The following TEX11 variants were observed in gnomAD, a reference collection of about 807,000 sequenced individuals.
TEX11 encodes the protein testis expressed 11.
TEX11 carries 7 observed loss-of-function variants against 84.4 expected under a neutral mutation model. The ratio of observed to expected loss-of-function variants is 0.08; its 90% CI spans 0.05 to 0.16. The LOEUF (loss-of-function observed/expected upper bound fraction) is 0.16. Among genes scored for constraint, TEX11 ranks in the 10% least tolerant of loss-of-function variants. The probability of loss-of-function intolerance (pLI) is 1.00; values close to 1 mark genes in which losing one functional copy is unlikely to be tolerated. For missense variants in TEX11, 551 were observed against 660.5 expected, an observed-to-expected ratio of 0.83 and a Z score of 1.82; for synonymous variants, 264 against 222.8, an observed-to-expected ratio of 1.18 and a Z score of -1.64.
chrX:70,540,543 G>A (rs2088030293), intron 28 of TEX11, among the ~76,000 whole-genome samples: 1 of 111,540 alleles, frequency 9.0e-6, no homozygotes, highest in African/African-American at 3.3e-5. Flanking sequence ...GTCTGAAAGA[G>A]ATAGACACTT....
At chrX:70,838,596 G>A (rs1164960871) in intron 7 of TEX11, among the ~76,000 whole-genome samples, 1 of 112,172 alleles carries the variant, frequency 8.9e-6, no homozygotes, top group Non-Finnish European at 1.9e-5. Context: ...TTCCAACTGA[G>A]GTACCGGGTT....
At chrX:70,861,312 C>T (rs1296498022) in intron 4 of TEX11, among the ~76,000 whole-genome samples, 6 of 109,619 alleles carry the variant, frequency 5.5e-5, no homozygotes, top group Admixed American at 9.7e-5. Flanking sequence ...CCGCCCGCCT[C>T]GGCCTCCCAA....
chrX:70,811,712 G>A (rs1391719298), intron 8 of TEX11, among the ~76,000 whole-genome samples: 18 of 109,805 alleles, frequency 1.6e-4, no homozygotes, highest in East Asian at 2.9e-4. Flanking sequence ...TTTAATGATC[G>A]CCATTCTAAC....
intron 13 of TEX11, among the ~76,000 whole-genome samples, chrX:70,690,171 T>A (rs2090222461): frequency 8.9e-6 from 1 of 111,754 alleles, no homozygotes; most frequent in Non-Finnish European, 1.9e-5. Context: ...TGTAATGTGA[T>A]ATCACAGGTA....
At chrX:70,705,620 A>C (rs2090366358) in intron 13 of TEX11, among the ~76,000 whole-genome samples, 1 of 111,981 alleles carries the variant, frequency 8.9e-6, no homozygotes, top group Non-Finnish European at 1.9e-5. Flanking sequence ...CAAGAAAAAA[A>C]CAAACAACCC....
chrX:70,714,321 A>C (rs1001811826), intron 13 of TEX11, among the ~76,000 whole-genome samples: 1 of 111,141 alleles, frequency 9.0e-6, no homozygotes, highest in Non-Finnish European at 1.9e-5. Flanking sequence ...CTTGGTGCAG[A>C]GCTGAGTTCA....
At chrX:70,610,324 C>T (rs1355962861) in intron 21 of TEX11, among the ~76,000 whole-genome samples, 179 bp downstream of exon 21, 1 of 110,968 alleles carries the variant, frequency 9.0e-6, no homozygotes, top group African/African-American at 3.3e-5. Context: ...CTAATGATGA[C>T]ACACTTTTCT....
chrX:70,524,561 G>T (rs190808603), downstream of TEX11, among the ~76,000 whole-genome samples: 830 of 112,049 alleles, frequency 7.4e-3, 6 homozygotes, highest in African/African-American at 0.024. Flanking sequence ...TGGTTTTTTT[G>T]TTGTTGTTGT....
chrX:70,711,690 C>T (rs1213325180), intron 13 of TEX11, among the ~76,000 whole-genome samples: 42 of 111,378 alleles, frequency 3.8e-4, no homozygotes, highest in African/African-American at 1.3e-3. Context: ...TGGATATTAG[C>T]CCTTTGTCAG....
chrX:70,841,803 C>A (rs767441753), intron 7 of TEX11, among the ~76,000 whole-genome samples: 2 of 111,022 alleles, frequency 1.8e-5, no homozygotes. Flanking sequence ...GGGGATATCA[C>A]CACCGATCCC....
At chrX:70,751,394 A>G (rs2090823409) in intron 9 of TEX11, among the ~76,000 whole-genome samples, 1 of 102,269 alleles carries the variant, frequency 9.8e-6, no homozygotes, top group African/African-American at 3.6e-5. Flanking sequence ...CAAAAAACCA[A>G]ACACCACATG....
At position 70,761,007 on chromosome X, in the gene TEX11, A is replaced by ACATGCTCAT. The variant is rs1321585473; in HGVS notation, c.693-16797_693-16789dup. On this transcript the variant is annotated intron_variant, in intron 9 of 29. Coordinates refer to ENST00000374333, the MANE Select transcript of TEX11 (RefSeq NM_031276.3). ...TTATGCAGCGAACAGACATATGAAA[A>ACATGCTCAT]CATGCTCATCATCACTGGCCATCAG... 8.0e-5 allele frequency among the ~76,000 whole-genome samples: 9 copies of ACATGCTCAT among 112,444 alleles called. No individual in the cohort carries two copies. The South Asian group carries it at 3.3e-3, about 42-fold the overall frequency.
chrX:70,542,583 T>C (rs1338864361), intron 28 of TEX11, among the ~76,000 whole-genome samples: 2 of 111,956 alleles, frequency 1.8e-5, no homozygotes, highest in East Asian at 5.6e-4. Context: ...ATTGTCTACT[T>C]CTATAATTGC....
intron 9 of TEX11, among the ~76,000 whole-genome samples, chrX:70,750,544 G>T (rs1461612786): frequency 9.2e-6 from 1 of 109,220 alleles, no homozygotes; most frequent in African/African-American, 3.3e-5. Flanking sequence ...ATGATAGACT[G>T]GTTTAAGAAA....
At chrX:70,784,240 G>T (rs779972786) in intron 9 of TEX11, among the ~76,000 whole-genome samples, 9 of 111,145 alleles carry the variant, frequency 8.1e-5, no homozygotes, top group African/African-American at 2.3e-4. Flanking sequence ...CATGATTATC[G>T]CAATAGATGC....
At chrX:70,835,493 A>G (rs983025330) in intron 7 of TEX11, among the ~76,000 whole-genome samples, 2 of 112,260 alleles carry the variant, frequency 1.8e-5, no homozygotes, top group Admixed American at 1.9e-4. Context: ...CATCAGACTC[A>G]CCAGTGGAGC....
At chrX:70,709,725 A>C (rs1346603522) in intron 13 of TEX11, among the ~76,000 whole-genome samples, 1 of 60,067 alleles carries the variant, frequency 1.7e-5, no homozygotes, top group Non-Finnish European at 3.8e-5. Context: ...GTGTTCAAAA[A>C]CTATTATATT....
At chrX:70,565,507 G>T (rs1192121725) in intron 25 of TEX11, among the ~76,000 whole-genome samples, 1 of 110,913 alleles carries the variant, frequency 9.0e-6, no homozygotes, top group Non-Finnish European at 1.9e-5. Context: ...GTAATGCCTA[G>T]GTTTTCCTCT....
intron 13 of TEX11, among the ~76,000 whole-genome samples, chrX:70,683,096 C>A (rs2090159683): frequency 9.0e-6 from 1 of 111,096 alleles, no homozygotes; most frequent in African/African-American, 3.3e-5. Flanking sequence ...TTTCCCAGAA[C>A]TGATTGCAAG....
Sources: gnomAD v4.1 joint callset for allele counts (sites outside exome capture counted in the v4.1 genomes callset) on GRCh38, gnomAD v4.1.1 for gene constraint, MANE v1.5 for transcripts, NCBI Gene and HGNC (gene_info 2026-07-23, HGNC 2026-07-21) for gene names.